Variants in UBAP2 observed in about 807,000 individuals in gnomAD.
UBAP2 encodes ubiquitin associated protein 2.
A neutral mutation model predicts 139.6 loss-of-function variants in UBAP2; 75 were observed. The observed-to-expected ratio is 0.54, with a 90% CI of 0.45 to 0.65. The LOEUF is 0.65. UBAP2 is among the 30% of genes least tolerant of loss of function. The probability of loss-of-function intolerance (pLI) is 0.00; values close to 1 mark genes in which losing one functional copy is unlikely to be tolerated. For synonymous variants in UBAP2, 526 were observed against 526.2 expected, an observed-to-expected ratio of 1.00 and a Z score of 0.01; for missense variants, 1,368 against 1,369.6, an observed-to-expected ratio of 1.00 and a Z score of 0.02.
At position 33,923,961 on chromosome 9, in the gene UBAP2, G is replaced by A; in HGVS notation, c.2630C>T (p.Pro877Leu). 6.2e-7 allele frequency: 1 copy of A among 1,614,104 alleles called. No individual in the cohort carries two copies. The highest frequency in any genetic ancestry group is 8.5e-7 in the Non-Finnish European group (1 of 1,180,026). The change falls in exon 24 of 29, where the codon CCT (proline) becomes CTT (leucine). Residue 877 changes from proline (P) to leucine (L), a missense_variant. Coordinates refer to ENST00000379238, the MANE Select transcript of UBAP2 (RefSeq NM_001370062.2). ...TKFGRGDSASPAPATTPAQPQ... is the reference protein window; with the variant it reads ...TKFGRGDSASLAPATTPAQPQ... ...CTGAGCTGGTGTGGTAGCGGGTGCA[G>A]GGGATGCAGAGTCCCCACGGCCAAA...
At position 33,922,300 on chromosome 9, in the gene UBAP2, C is replaced by G. The variant is rs1044946012; in HGVS notation, c.*204G>C. ...TAACATCTGCCGCCATCCCCCAACT[C>G]CCCCCCAGACTTCTATCACATTTAC... On this transcript the variant is annotated 3_prime_UTR_variant, in exon 29 of 29. Coordinates refer to ENST00000379238, the MANE Select transcript of UBAP2 (RefSeq NM_001370062.2). 7.1e-6 allele frequency: 4 copies of G among 564,310 alleles called. No individual in the cohort carries two copies. The South Asian group carries it at 8.5e-5, about 12-fold the overall frequency. The allele number at this position is 564,310 out of a possible 1,614,324, so 35.0% of individuals were successfully genotyped here. A position where few individuals can be genotyped will look rare whatever the true frequency, so the allele number is the denominator to read the frequency against.
At chr9:33,927,742 G>A in intron 20 of UBAP2, 55 bp downstream of exon 20, 1 of 1,529,676 alleles carries the variant, frequency 6.5e-7, no homozygotes, top group Non-Finnish European at 8.7e-7. Context: ...GGGACGCCAA[G>A]CAGGCACCTT....
At chr9:33,983,742 T>A (rs1312293517) in intron 6 of UBAP2, among the ~76,000 whole-genome samples, 1 of 152,242 alleles carries the variant, frequency 6.6e-6, no homozygotes, top group African/African-American at 2.4e-5. Flanking sequence ...TTCGTTGCCA[T>A]CTTTCTATCT....
At chr9:33,998,738 C>A (rs767073474) in intron 3 of UBAP2, 49 bp downstream of exon 3, 32 of 1,521,172 alleles carry the variant, frequency 2.1e-5, no homozygotes, top group Non-Finnish European at 2.9e-5. Context: ...TTTTTAAGCA[C>A]AATCAAAATA....
At chr9:34,008,157 T>C (rs943839548) in intron 2 of UBAP2, among the ~76,000 whole-genome samples, 5 of 151,262 alleles carry the variant, frequency 3.3e-5, no homozygotes, top group African/African-American at 7.3e-5. Flanking sequence ...CACATACAAA[T>C]ACAAAATTAG....
At chr9:33,960,699 G>C in intron 10 of UBAP2, 127 bp downstream of exon 10, 1 of 826,820 alleles carries the variant, frequency 1.2e-6, no homozygotes, top group Non-Finnish European at 1.9e-6. Context: ...AGAACTGCTT[G>C]AATCTGGGAG....
chr9:33,948,160 C>T (rs1189910830), intron 13 of UBAP2, among the ~76,000 whole-genome samples: 1 of 152,016 alleles, frequency 6.6e-6, no homozygotes, highest in Admixed American at 6.6e-5. Context: ...CAATTACTAC[C>T]AACAATAATG....
At chr9:34,038,948 G>A (rs1219382935) in intron 1 of UBAP2, among the ~76,000 whole-genome samples, 2 of 151,140 alleles carry the variant, frequency 1.3e-5, no homozygotes, top group East Asian at 3.9e-4. Flanking sequence ...TCTGGGATGT[G>A]AGGAGCGCCT....
chr9:33,979,572 G>A (rs777947620), intron 6 of UBAP2, among the ~76,000 whole-genome samples: 2 of 151,224 alleles, frequency 1.3e-5, no homozygotes, highest in Non-Finnish European at 2.9e-5. Flanking sequence ...AGAAATTCCC[G>A]TCTCAAAAAA....
At chr9:33,990,252 T>C (rs1821585636) in intron 4 of UBAP2, among the ~76,000 whole-genome samples, 1 of 152,188 alleles carries the variant, frequency 6.6e-6, no homozygotes, top group African/African-American at 2.4e-5. Context: ...AGAGTAACTG[T>C]TTTATGCTTT....
chr9:34,027,538 T>C (rs1020784290), intron 1 of UBAP2, among the ~76,000 whole-genome samples: 3 of 147,998 alleles, frequency 2.0e-5, no homozygotes, highest in African/African-American at 7.5e-5. Context: ...GGCAACACAG[T>C]GAGACCCCAT....
chr9:34,016,162 G>C (rs987825277), intron 2 of UBAP2, among the ~76,000 whole-genome samples: 3 of 148,028 alleles, frequency 2.0e-5, no homozygotes, highest in Non-Finnish European at 4.5e-5. Context: ...TGAAAGGGGA[G>C]AGGAGGAGGA....
intron 1 of UBAP2, among the ~76,000 whole-genome samples, chr9:34,020,152 A>T (rs10971856): frequency 0.059 from 8,078 of 138,042 alleles, 293 homozygotes; most frequent in Non-Finnish European, 0.089. Flanking sequence ...TCCATTATTA[A>T]AAAAAAAAAA....
rs748737944 is a variant in UBAP2, at chr9:34,024,087, G to A, written c.-41-6898C>T. 1.4e-4 allele frequency among the ~76,000 whole-genome samples: 21 copies of A among 149,634 alleles called. 1 individual carries two copies. The highest frequency in any genetic ancestry group is 2.5e-4 in the Non-Finnish European group (17 of 67,468). On this transcript the variant is annotated intron_variant, in intron 1 of 28. Coordinates refer to ENST00000379238, the MANE Select transcript of UBAP2 (RefSeq NM_001370062.2). ...AAATAGCAAATACAAGGATGGGCGC[G>A]GTGGCACACGCCTGTAATCCCAGCA...
At chr9:33,974,343 C>T (rs1564039163) in intron 6 of UBAP2, among the ~76,000 whole-genome samples, 1 of 151,972 alleles carries the variant, frequency 6.6e-6, no homozygotes, top group Non-Finnish European at 1.5e-5. Context: ...CTTGTCTCTA[C>T]AAAAAATACA....
intron 12 of UBAP2, among the ~76,000 whole-genome samples, chr9:33,949,270 C>T (rs536669460): frequency 6.6e-6 from 1 of 152,086 alleles, no homozygotes; most frequent in South Asian, 2.1e-4. Context: ...AAGAGGAATG[C>T]CATGAAATAC....
chr9:33,948,316 T>G, intron 13 of UBAP2, 58 bp downstream of exon 13: 1 of 1,450,054 alleles, frequency 6.9e-7, no homozygotes, highest in Non-Finnish European at 9.2e-7. Context: ...GTCAACACAC[T>G]CTGCCAAAGC....
At chr9:33,934,889 C>T (rs1824319786) in intron 17 of UBAP2, among the ~76,000 whole-genome samples, 1 of 152,114 alleles carries the variant, frequency 6.6e-6, no homozygotes, top group South Asian at 2.1e-4. Flanking sequence ...CTTGGCAGCC[C>T]AACAATACCA....
chr9:34,036,218 G>A (rs1346383612), intron 1 of UBAP2, among the ~76,000 whole-genome samples: 5 of 151,200 alleles, frequency 3.3e-5, no homozygotes, highest in African/African-American at 4.9e-5. Flanking sequence ...AGGTTCAAAC[G>A]ATTCTCCTCC....
Sources: gnomAD v4.1 joint callset for allele counts (sites outside exome capture counted in the v4.1 genomes callset) on GRCh38, gnomAD v4.1.1 for gene constraint, MANE v1.5 for transcripts, NCBI Gene and HGNC (gene_info 2026-07-23, HGNC 2026-07-21) for gene names.